FRMD6: variants seen among roughly 807,000 people sequenced by gnomAD.
FRMD6 encodes FERM domain-containing protein 6.
Under a neutral mutation model 73.2 loss-of-function variants are expected in FRMD6, and 37 were observed. That is an observed-to-expected ratio of 0.51 (90% CI 0.39 to 0.66). FRMD6 has a LOEUF of 0.66. Among genes scored for constraint, FRMD6 ranks in the 30% least tolerant of loss-of-function variants. The pLI is 0.00. For synonymous variants in FRMD6, 273 were observed against 282.2 expected (o/e 0.97, Z 0.33); for missense variants, 714 against 780.5 (o/e 0.91, Z 1.02).
intron 1 of FRMD6, among the ~76,000 whole-genome samples, chr14:51,557,759 C>A (rs1391756699): frequency 2.0e-5 from 3 of 151,976 alleles, no homozygotes; most frequent in African/African-American, 7.3e-5. Context: ...TATCAAAATA[C>A]CATGTTGGGA....
chr14:51,679,232 C>T (rs1894613738), intron 1 of FRMD6, among the ~76,000 whole-genome samples: 1 of 151,688 alleles, frequency 6.6e-6, no homozygotes, highest in Non-Finnish European at 1.5e-5. Context: ...GAGAAGAAAG[C>T]TGTTAAAAAG....
Position 51,630,750 on chromosome 14 carries a change from A to C in FRMD6, c.-146-58941A>C, listed in dbSNP as rs771121708. On this transcript the variant is annotated intron_variant, in intron 2 of 14. Transcript: ENST00000356218. ...TGCAAAATGAGATCCTGTCTCTAAA[A>C]AAATACATAAATAAATAAGCCTTAA... 1.6e-4 allele frequency among the ~76,000 whole-genome samples: 24 copies of C among 152,210 alleles called. 1 individual carries two copies. The highest frequency in any genetic ancestry group is 4.2e-4 in the South Asian group (2 of 4,818).
chr14:51,721,398 T>G (rs1897554609), intron 11 of FRMD6, among the ~76,000 whole-genome samples: 1 of 152,124 alleles, frequency 6.6e-6, no homozygotes, highest in Non-Finnish European at 1.5e-5. Flanking sequence ...GATCACGAGG[T>G]CAAGAGATCA....
intron 2 of FRMD6, among the ~76,000 whole-genome samples, chr14:51,615,745 A>T (rs1290790129): frequency 6.6e-6 from 1 of 152,218 alleles, no homozygotes; most frequent in African/African-American, 2.4e-5. Flanking sequence ...AATAATGTAC[A>T]GGAGAGTCAT....
At chr14:51,702,419 T>A in intron 4 of FRMD6, 93 bp from the exon 5 acceptor site, 1 of 989,492 alleles carries the variant, frequency 1.0e-6, no homozygotes, top group South Asian at 1.4e-5. Context: ...GATCAAAAAG[T>A]ATCTTGCAAA....
chr14:51,711,425 T>C (rs1896938501), intron 7 of FRMD6, 106 bp from the exon 8 acceptor site: 5 of 667,814 alleles, frequency 7.5e-6, no homozygotes, highest in Middle Eastern at 7.7e-4. Context: ...TCAAAAACTT[T>C]TCAGTCCTGA....
intron 2 of FRMD6, among the ~76,000 whole-genome samples, chr14:51,583,714 C>A (rs557609810): frequency 8.5e-5 from 13 of 152,276 alleles, no homozygotes; most frequent in Admixed American, 2.6e-4. Flanking sequence ...AGGGCCCAGG[C>A]TCTTTGGCTA....
chr14:51,402,994 G>A, the FRMD6 span, among the ~76,000 whole-genome samples: 2 of 152,166 alleles, frequency 1.3e-5, no homozygotes, highest in African/African-American at 4.8e-5. Flanking sequence ...GGTAGGGGAC[G>A]CAGGAAGGTT....
chr14:51,590,755 T>C (rs1396342825), intron 2 of FRMD6, among the ~76,000 whole-genome samples: 1 of 152,196 alleles, frequency 6.6e-6, no homozygotes, highest in Admixed American at 6.5e-5. Flanking sequence ...TGGAGATGTC[T>C]CCAAAGATCT....
intron 9 of FRMD6, chr14:51,714,226 C>T (rs924157476): frequency 6.6e-6 from 1 of 152,072 alleles, no homozygotes; most frequent in Non-Finnish European, 1.5e-5. Flanking sequence ...TGAGTGGATA[C>T]ATGCTTAGTG....
intron 1 of FRMD6, among the ~76,000 whole-genome samples, chr14:51,560,532 T>C (rs980106046): frequency 6.6e-6 from 1 of 152,238 alleles, no homozygotes; most frequent in Non-Finnish European, 1.5e-5. Context: ...TTGCCCAGGC[T>C]GGTGTGCAAT....
the FRMD6 span, among the ~76,000 whole-genome samples, chr14:51,481,300 G>A: frequency 6.6e-6 from 1 of 152,272 alleles, no homozygotes; most frequent in South Asian, 2.1e-4. Flanking sequence ...TGGCTGGGGA[G>A]GCCTCACAAT....
chr14:51,559,594 C>A (rs1275501191), intron 1 of FRMD6, among the ~76,000 whole-genome samples: 11 of 152,116 alleles, frequency 7.2e-5, no homozygotes, highest in Admixed American at 7.2e-4. Context: ...CTTCCACCAA[C>A]CCTTCCTCCT....
At chr14:51,539,826 T>G (rs559090382) in intron 1 of FRMD6, among the ~76,000 whole-genome samples, 1 of 152,298 alleles carries the variant, frequency 6.6e-6, no homozygotes, top group South Asian at 2.1e-4. Context: ...GAGGTACAGC[T>G]GACTTATGAG....
chr14:51,521,248 T>C (rs753468560), intron 1 of FRMD6, among the ~76,000 whole-genome samples: 24 of 152,288 alleles, frequency 1.6e-4, no homozygotes, highest in Middle Eastern at 3.4e-3. Flanking sequence ...TCAATGTAAG[T>C]TGTAGTTCTG....
chr14:51,725,224 AG>A (rs1214543559), intron 12 of FRMD6, among the ~76,000 whole-genome samples: 1 of 152,180 alleles, frequency 6.6e-6, no homozygotes, highest in African/African-American at 2.4e-5. Context: ...TTATACGAGA[AG>A]GAGACTGAGA....
chr14:51,478,654 A>G, the FRMD6 span, among the ~76,000 whole-genome samples: 2 of 152,310 alleles, frequency 1.3e-5, no homozygotes, highest in South Asian at 2.1e-4. Flanking sequence ...AAGTATGCCT[A>G]TGAAGAATGG....
chr14:51,429,059 GGAGAA>G, the FRMD6 span, among the ~76,000 whole-genome samples: 15 of 97,052 alleles, frequency 1.5e-4, no homozygotes, highest in South Asian at 4.5e-4. Context: ...GAAGAGAAGA[GGAGAA>G]GAGAAAAGAG....
chr14:51,622,310 C>T (rs1439617409), intron 2 of FRMD6, among the ~76,000 whole-genome samples: 1 of 152,156 alleles, frequency 6.6e-6, no homozygotes, highest in African/African-American at 2.4e-5. Flanking sequence ...AATAATTATT[C>T]ATTTTTATAC....
Sources: allele counts gnomAD v4.1 joint callset (sites outside exome capture counted in the v4.1 genomes callset), GRCh38; gene constraint gnomAD v4.1.1; transcripts MANE v1.5; gene names NCBI Gene and HGNC (gene_info 2026-07-23, HGNC 2026-07-21).